The following ABHD14A variants were observed in gnomAD, a reference collection of about 807,000 sequenced individuals.
ABHD14A encodes the protein protein ABHD14A.
A neutral mutation model predicts 27.0 loss-of-function variants in ABHD14A; 19 were observed. The observed-to-expected ratio is 0.70, with a 90% CI of 0.49 to 1.03. ABHD14A has a LOEUF of 1.03. ABHD14A is among the 50% of genes least tolerant of loss of function. The pLI is 0.00. For missense variants in ABHD14A, 311 were observed against 344.6 expected (o/e 0.90, Z 0.77); for synonymous variants, 148 against 158.8 (o/e 0.93, Z 0.51).
intron 1 of ABHD14A, 143 bp from the exon 2 acceptor site, chr3:51,977,728 C>T: frequency 1.3e-6 from 1 of 778,930 alleles, no homozygotes; most frequent in South Asian, 1.7e-5. Flanking sequence ...TGTGAACTCC[C>T]AGAACTTTGC....
In ABHD14A at chr3:51,980,806, A is replaced by G. The variant is rs199606659; in HGVS notation, c.634-30A>G. ...GGGGGTCAGAAACTCATCAGGCCCC[A>G]AGATCACAGCCCCCTGCCTTGCCCT... On this transcript the variant is annotated intron_variant, in intron 4 of 4. Coordinates refer to ENST00000273596, the MANE Select transcript of ABHD14A (RefSeq NM_015407.5). 25 of 1,599,320 alleles carry G rather than the reference A, an allele frequency of 1.6e-5. No homozygotes were observed. The Admixed American group carries it at 2.2e-4, about 14-fold the overall frequency.
Position 51,981,182 on chromosome 3 carries a change from T to G in ABHD14A, c.*164T>G. On this transcript the variant is annotated 3_prime_UTR_variant, in exon 5 of 5. Coordinates refer to ENST00000273596, the MANE Select transcript of ABHD14A (RefSeq NM_015407.5). ...CACAGACACAATAAAAAAGCATATT[T>G]GTCCTGCCTGGGAAGTGACAGGTTC... The G allele has an allele frequency of 1.4e-6, 1 of 735,000 alleles. No individual in the cohort carries two copies. Among genetic ancestry groups the G allele is most frequent in the Non-Finnish European group, 2.1e-6 (1 of 469,206 alleles). 45.5% of individuals were successfully genotyped at this position (735,000 alleles called of 1,614,324 possible). A position where few individuals can be genotyped will look rare whatever the true frequency, so the allele number is the denominator to read the frequency against.
At position 51,981,119 on chromosome 3, in the gene ABHD14A, GC is replaced by G; in HGVS notation, c.*103del. The G allele has an allele frequency of 1.5e-6, 2 of 1,358,798 alleles. No individual in the cohort carries two copies. Among genetic ancestry groups the G allele is most frequent in the Non-Finnish European group, 2.0e-6 (2 of 980,284 alleles). The allele number at this position is 1,358,798 out of a possible 1,614,324, so 84.2% of individuals were successfully genotyped here. ...CAGCCTCTGGGATTGGAGGCCAGAG[GC>G]CAGGGTCAGACCCAGCCAGGACTCC... On this transcript the variant is annotated 3_prime_UTR_variant, in exon 5 of 5. Coordinates refer to ENST00000273596, the MANE Select transcript of ABHD14A (RefSeq NM_015407.5).
At position 51,975,132 on chromosome 3, in the gene ABHD14A, A is replaced by G. The variant is rs1700757035; in HGVS notation, c.-4A>G. 7.7e-6 allele frequency: 10 copies of G among 1,292,530 alleles called. No individual in the cohort carries two copies. Among genetic ancestry groups the G allele is most frequent in the Non-Finnish European group, 9.8e-6 (10 of 1,020,062 alleles). 80.1% of individuals were successfully genotyped at this position (1,292,530 alleles called of 1,614,324 possible). On this transcript the variant is annotated 5_prime_UTR_variant, in exon 1 of 5. Coordinates refer to ENST00000273596, the MANE Select transcript of ABHD14A (RefSeq NM_015407.5). Reference sequence around the variant, plus strand: ...GAGCGGCCCGCGGAGCTGCGGAGGCAGCCATGGTCGGGGCGCTGTGCGGCT... The same window carrying G: ...GAGCGGCCCGCGGAGCTGCGGAGGCGGCCATGGTCGGGGCGCTGTGCGGCT...
At chr3:51,975,527 G>A (rs1438536767) in intron 1 of ABHD14A, among the ~76,000 whole-genome samples, 1 of 151,864 alleles carries the variant, frequency 6.6e-6, no homozygotes, top group Non-Finnish European at 1.5e-5. Flanking sequence ...ATTTCTGTGT[G>A]CGTGTGATTT....
rs1014672353 is a variant in ABHD14A at position 51,981,121 on chromosome 3, C to A, written c.*103C>A. Reference sequence around the variant, plus strand: ...GCCTCTGGGATTGGAGGCCAGAGGCCAGGGTCAGACCCAGCCAGGACTCCT... The same window carrying A: ...GCCTCTGGGATTGGAGGCCAGAGGCAAGGGTCAGACCCAGCCAGGACTCCT... On this transcript the variant is annotated 3_prime_UTR_variant, in exon 5 of 5. Coordinates refer to ENST00000273596, the MANE Select transcript of ABHD14A (RefSeq NM_015407.5). 2.6e-5 allele frequency: 34 copies of A among 1,299,988 alleles called. No individual in the cohort carries two copies. The highest frequency in any genetic ancestry group is 3.5e-5 in the Non-Finnish European group (33 of 930,900). 80.5% of individuals were successfully genotyped at this position (1,299,988 alleles called of 1,614,324 possible).
rs766276448 is a variant in ABHD14A, at chr3:51,980,852, T to G, written c.650T>G (p.Leu217Arg). The G allele has an allele frequency of 6.2e-7, 1 of 1,613,912 alleles. No individual in the cohort carries two copies. Among genetic ancestry groups the G allele is most frequent in the Non-Finnish European group, 8.5e-7 (1 of 1,179,908 alleles). ...FWAVKTPTLILYGELDHILAR... is the reference protein window; with the variant it reads ...FWAVKTPTLIRYGELDHILAR... ...GCCCTGCAGACTCCAACCCTTATCCTGTATGGAGAGCTGGACCACATCCTG... is the reference window on the plus strand; with the variant it reads ...GCCCTGCAGACTCCAACCCTTATCCGGTATGGAGAGCTGGACCACATCCTG... Residue 217 changes from leucine to arginine, a missense_variant, in exon 5 of 5, where the codon CTG (leucine) becomes CGG (arginine). Physicochemically the swap from Leu to Arg is moderately radical, Grantham distance 102. Transcript: ENST00000273596.
intron 4 of ABHD14A, 76 bp from the exon 5 acceptor site, chr3:51,980,760 A>G: frequency 6.4e-7 from 1 of 1,571,190 alleles, no homozygotes; most frequent in South Asian, 1.2e-5. Flanking sequence ...GTGTTGGGGA[A>G]GGCTTCCTAG....
At position 51,979,474 on chromosome 3, in the gene ABHD14A, TTTTTTTG is replaced by T. The variant is rs1217992022; in HGVS notation, c.398-905_398-899del. The stretch of plus-strand genomic sequence containing the variant: ...GTTTTGTTTTTTTTTTGTTTGTTTC[TTTTTTTG>T]TTTTTTGTTTTTTTTTTTTTTGAGA... On this transcript the variant is annotated intron_variant, in intron 3 of 4. Transcript: ENST00000273596. 7.2e-4 allele frequency among the ~76,000 whole-genome samples: 108 copies of T among 150,900 alleles called. No individual in the cohort carries two copies. In the South Asian group the frequency reaches 8.1e-3, roughly 11 times the overall value.
intron 3 of ABHD14A, among the ~76,000 whole-genome samples, chr3:51,979,492 T>G (rs1188456848): frequency 3.3e-5 from 5 of 150,448 alleles, no homozygotes; most frequent in African/African-American, 4.9e-5. Context: ...TTTTTTGTTT[T>G]TTTTTTTTTT....
At chr3:51,976,025 C>A (rs1470917082) in intron 1 of ABHD14A, among the ~76,000 whole-genome samples, 1 of 152,260 alleles carries the variant, frequency 6.6e-6, no homozygotes, top group Non-Finnish European at 1.5e-5. Context: ...CCCTCGGTTG[C>A]CAAGGCAACA....
intron 2 of ABHD14A, 70 bp downstream of exon 2, chr3:51,978,152 A>C (rs974363162): frequency 1.3e-6 from 2 of 1,548,166 alleles, no homozygotes; most frequent in African/African-American, 1.4e-5. Flanking sequence ...GACCCCCATT[A>C]TACTCAGGGT....
In ABHD14A at chr3:51,978,028, CT is replaced by C. The variant is rs1354440493; in HGVS notation, c.228del (p.Gly77AlafsTer92). The C allele has an allele frequency of 1.2e-6, 2 of 1,614,098 alleles. No individual in the cohort carries two copies. The highest frequency in any genetic ancestry group is 8.5e-7 in the Non-Finnish European group (1 of 1,180,030). ...PNVTVLAGLTPGNSPIFYREV... is the reference protein window; with the variant it reads ...PNVTVLAGLTXGNSPIFYREV... ...GTCACAGTCCTGGCTGGTCTCACCC[CT>C]GGCAACTCGCCCATCTTTTACCGCG... is the stretch of plus-strand genomic sequence containing the variant. On this transcript the variant is annotated frameshift_variant, in exon 2 of 5. Coordinates refer to ENST00000273596, the MANE Select transcript of ABHD14A (RefSeq NM_015407.5). LOFTEE classifies it high-confidence loss of function.
In ABHD14A at chr3:51,977,876, G is replaced by A. The variant is rs1700819239; in HGVS notation, c.75G>A (p.Val25=). ...CCTCTCCTCTCCCTCTCCAGACTGT[G>A]GTACAGACCTCCATGAGCCGGTCCC... ...ARPLIPLGPT[V]VQTSMSRSQV... is the part of the protein sequence containing the mutation. Residue 25 remains valine (V), a synonymous_variant, in exon 2 of 5, where the codon GTG becomes GTA. Transcript: ENST00000273596. 1 of 1,612,814 alleles carries A rather than the reference G, an allele frequency of 6.2e-7. No homozygotes were observed. Among genetic ancestry groups the A allele is most frequent in the South Asian group, 1.1e-5 (1 of 91,068 alleles).
At chr3:51,980,003 G>A (rs530986616) in intron 3 of ABHD14A, among the ~76,000 whole-genome samples, 1 of 151,488 alleles carries the variant, frequency 6.6e-6, no homozygotes, top group South Asian at 2.1e-4. Flanking sequence ...CTCACTGCAG[G>A]CTCCGCCCCC....
rs781549026 is a variant in ABHD14A, at chr3:51,977,977, C to T, written c.176C>T (p.Thr59Ile). ...YVGLPGPPEQ[T>I]SCLWGDPNVT... The stretch of plus-strand genomic sequence containing the variant: ...GGGCTGCCAGGCCCCCCTGAGCAGA[C>T]TTCCTGCCTCTGGGGAGACCCCAAT... The change falls in exon 2 of 5, where the codon ACT becomes ATT. Residue 59 changes from threonine (T) to isoleucine (I), a missense_variant. By Grantham distance (89) the Thr-to-Ile change is moderately conservative. Coordinates refer to ENST00000273596, the MANE Select transcript of ABHD14A (RefSeq NM_015407.5). 5.0e-6 allele frequency: 8 copies of T among 1,613,986 alleles called. No homozygotes were observed. The highest frequency in any genetic ancestry group is 6.8e-6 in the Non-Finnish European group (8 of 1,180,042).
intron 3 of ABHD14A, 148 bp downstream of exon 3, chr3:51,978,522 C>A: frequency 1.9e-6 from 1 of 526,062 alleles, no homozygotes; most frequent in Non-Finnish European, 3.3e-6. Context: ...ATGAAAACTA[C>A]AGTGTGAATT....
chr3:51,976,358 G>A (rs1203795791), intron 1 of ABHD14A, among the ~76,000 whole-genome samples: 2 of 152,170 alleles, frequency 1.3e-5, no homozygotes, highest in East Asian at 1.9e-4. Context: ...CTCCTAGTTC[G>A]GGCAGGCGCC....
intron 3 of ABHD14A, chr3:51,978,689 T>C: frequency 7.5e-6 from 2 of 268,228 alleles, no homozygotes; most frequent in East Asian, 1.2e-4. Flanking sequence ...CCTCCCGGGT[T>C]CAAGCAATTC....
Sources: allele counts gnomAD v4.1 joint callset (sites outside exome capture counted in the v4.1 genomes callset), GRCh38; gene constraint gnomAD v4.1.1; transcripts MANE v1.5; gene names NCBI Gene and HGNC (gene_info 2026-07-23, HGNC 2026-07-21).